Variants in LYPLAL1 observed in about 807,000 individuals in gnomAD.
LYPLAL1 encodes lysophospholipase like 1.
A neutral mutation model predicts 19.7 loss-of-function variants in LYPLAL1; 23 were observed. The ratio of observed to expected loss-of-function variants is 1.17; its 90% CI spans 0.84 to 1.65. The LOEUF is 1.65. LYPLAL1 is among the 40% of genes most tolerant of loss of function. The pLI, the probability that LYPLAL1 is intolerant of heterozygous loss-of-function variation, is 0.00. For missense variants in LYPLAL1, 355 were observed against 279.4 expected (o/e 1.27, Z -1.93); for synonymous variants, 119 against 96.3 (o/e 1.24, Z -1.38).
the LYPLAL1 span, among the ~76,000 whole-genome samples, chr1:219,290,632 TCTTA>T: frequency 6.6e-6 from 1 of 152,172 alleles, no homozygotes; most frequent in Non-Finnish European, 1.5e-5. Context: ...GCATTCCTCC[TCTTA>T]CTTTCGGGAA....
At chr1:219,331,941 T>A in the LYPLAL1 span, among the ~76,000 whole-genome samples, 1,136 of 152,250 alleles carry the variant, frequency 7.5e-3, 20 homozygotes, top group African/African-American at 0.026. Context: ...GAATTCTGAA[T>A]CTTTGTTAAT....
At chr1:219,202,101 C>G (rs934449826) in intron 3 of LYPLAL1, among the ~76,000 whole-genome samples, 1 of 152,166 alleles carries the variant, frequency 6.6e-6, no homozygotes, top group Admixed American at 6.5e-5. Context: ...AACTTGGGCT[C>G]TAGACTCAGA....
the LYPLAL1 span, among the ~76,000 whole-genome samples, chr1:219,268,760 A>G: frequency 2.0e-5 from 3 of 152,222 alleles, no homozygotes; most frequent in Admixed American, 6.5e-5. Context: ...ACACAAAAGC[A>G]GGCTTCATTA....
the LYPLAL1 span, among the ~76,000 whole-genome samples, chr1:219,440,024 C>CACATATAT: frequency 5.3e-3 from 705 of 132,274 alleles, 43 homozygotes; most frequent in Admixed American, 0.045. Flanking sequence ...CACACACACA[C>CACATATAT]ATATATATAT....
chr1:219,348,160 G>A, the LYPLAL1 span, among the ~76,000 whole-genome samples: 1 of 152,198 alleles, frequency 6.6e-6, no homozygotes, highest in Non-Finnish European at 1.5e-5. Context: ...GCTCTGCTCA[G>A]GTTGTGTGTA....
the LYPLAL1 span, among the ~76,000 whole-genome samples, chr1:219,346,032 C>T: frequency 6.6e-6 from 1 of 152,088 alleles, no homozygotes; most frequent in Non-Finnish European, 1.5e-5. Context: ...TAGGAAAATC[C>T]ACAGAAGGGA....
At chr1:219,264,188 AAGAGTCC>A in the LYPLAL1 span, among the ~76,000 whole-genome samples, 1 of 152,220 alleles carries the variant, frequency 6.6e-6, no homozygotes, top group Non-Finnish European at 1.5e-5. Context: ...GTACTAACCA[AAGAGTCC>A]ACTCTGTTCT....
chr1:219,302,153 G>A, the LYPLAL1 span, among the ~76,000 whole-genome samples: 1 of 152,142 alleles, frequency 6.6e-6, no homozygotes, highest in Non-Finnish European at 1.5e-5. Flanking sequence ...ATTCTTAAAT[G>A]TAGGTCCATC....
At chr1:219,419,737 G>A in the LYPLAL1 span, among the ~76,000 whole-genome samples, 1 of 152,146 alleles carries the variant, frequency 6.6e-6, no homozygotes, top group Non-Finnish European at 1.5e-5. Context: ...GACTGTGGGG[G>A]TAGGGGGTCC....
At chr1:219,284,474 A>C in the LYPLAL1 span, among the ~76,000 whole-genome samples, 1 of 152,312 alleles carries the variant, frequency 6.6e-6, no homozygotes, top group Non-Finnish European at 1.5e-5. Flanking sequence ...GTATCAAAAT[A>C]TTTCATGTAA....
intron 2 of LYPLAL1, among the ~76,000 whole-genome samples, chr1:219,191,689 TA>T (rs1157957102): frequency 6.6e-6 from 1 of 151,300 alleles, no homozygotes; most frequent in Non-Finnish European, 1.5e-5. Flanking sequence ...TAGAGATGGG[TA>T]AAAAATGAAT....
At chr1:219,378,585 A>T in the LYPLAL1 span, among the ~76,000 whole-genome samples, 1 of 152,210 alleles carries the variant, frequency 6.6e-6, no homozygotes, top group African/African-American at 2.4e-5. Context: ...ATGGGAGTAA[A>T]AAGAAAATGG....
chr1:219,271,115 T>TGTATTTTTG, the LYPLAL1 span: 1 of 152,386 alleles, frequency 6.6e-6, no homozygotes, highest in Non-Finnish European at 1.5e-5. Context: ...CAGCTAATTT[T>TGTATTTTTG]GTATTTTTGG....
chr1:219,205,926 T>A (rs12066597), intron 3 of LYPLAL1, among the ~76,000 whole-genome samples: 36,963 of 152,106 alleles, frequency 0.24, 4,674 homozygotes, highest in Non-Finnish European at 0.29. Flanking sequence ...ATCCCACAAG[T>A]TTTGTATGAG....
chr1:219,435,421 A>G, the LYPLAL1 span: 2 of 152,212 alleles, frequency 1.3e-5, no homozygotes, highest in Non-Finnish European at 2.9e-5. Flanking sequence ...CACCTGTTAG[A>G]TAAAATTCAA....
At chr1:219,192,136 T>C (rs1657235043) in intron 2 of LYPLAL1, among the ~76,000 whole-genome samples, 2 of 151,722 alleles carry the variant, frequency 1.3e-5, no homozygotes, top group South Asian at 4.1e-4. Flanking sequence ...CCAATGACAA[T>C]TGAATATTTC....
intron 3 of LYPLAL1, chr1:219,199,991 G>A (rs1657960957): frequency 4.3e-6 from 1 of 233,864 alleles, no homozygotes; most frequent in Non-Finnish European, 9.0e-6. Context: ...CACCTGGACA[G>A]CTAGCTGCTT....
chr1:219,259,784 TA>T, the LYPLAL1 span, among the ~76,000 whole-genome samples: 5 of 150,644 alleles, frequency 3.3e-5, no homozygotes, highest in Non-Finnish European at 5.9e-5. Context: ...ACTATTGAAA[TA>T]AAAAAATATA....
At chr1:219,271,111 A>C in the LYPLAL1 span, 1 of 152,344 alleles carries the variant, frequency 6.6e-6, no homozygotes, top group East Asian at 1.9e-4. Flanking sequence ...CGCCCAGCTA[A>C]TTTTGTATTT....
Sources: allele counts gnomAD v4.1 joint callset (sites outside exome capture counted in the v4.1 genomes callset), GRCh38; gene constraint gnomAD v4.1.1; transcripts MANE v1.5; gene names NCBI Gene and HGNC (gene_info 2026-07-23, HGNC 2026-07-21).